The following SAMD5 variants were observed in gnomAD, a reference collection of about 807,000 sequenced individuals.
The protein encoded by SAMD5 is sterile alpha motif domain-containing protein 5.
In SAMD5, 13 loss-of-function variants were observed where a neutral mutation model predicts 11.3. The observed-to-expected ratio is 1.15, with a 90% CI of 0.75 to 1.83. The LOEUF (loss-of-function observed/expected upper bound fraction) is 1.83, where lower values mean the gene tolerates loss of function less well. Ranked by LOEUF, SAMD5 falls within the 40% of genes most tolerant of loss-of-function variation. The pLI is 0.00. For missense variants in SAMD5, 255 were observed against 239.1 expected (o/e 1.07, Z -0.44); for synonymous variants, 129 against 111.3 (o/e 1.16, Z -1.00).
the SAMD5 span, among the ~76,000 whole-genome samples, chr6:147,894,689 C>T: frequency 6.6e-6 from 1 of 152,178 alleles, no homozygotes; most frequent in African/African-American, 2.4e-5. Flanking sequence ...CATATGCACT[C>T]ATGAAGACAG....
chr6:147,950,978 C>T, the SAMD5 span, among the ~76,000 whole-genome samples: 17 of 150,958 alleles, frequency 1.1e-4, no homozygotes, highest in Non-Finnish European at 4.4e-5. Flanking sequence ...TCTACTCAGG[C>T]CATGTAATAA....
chr6:147,702,771 C>T lies in SAMD5; in HGVS notation c.163-34546C>T, dbSNP rs149845590. 4.4e-3 allele frequency among the ~76,000 whole-genome samples: 662 copies of T among 152,008 alleles called. 2 individuals are homozygous for T. The highest frequency in any genetic ancestry group is 7.5e-3 in the Non-Finnish European group (508 of 67,972). On this transcript the variant is annotated intron_variant, in intron 1 of 1. Coordinates refer to the SAMD5 transcript ENST00000566741. ...AATAATGGACCAGTGGAGCTGCTGG[C>T]CTCTGATATTTTAAGGATTAGAAAC...
chr6:147,804,018 A>G, the SAMD5 span, among the ~76,000 whole-genome samples: 5 of 150,786 alleles, frequency 3.3e-5, no homozygotes, highest in Admixed American at 1.3e-4. Context: ...CTTTTTTCAC[A>G]CTTCTCCAGG....
At chr6:147,779,286 T>C in the SAMD5 span, among the ~76,000 whole-genome samples, 2 of 152,160 alleles carry the variant, frequency 1.3e-5, no homozygotes, top group Admixed American at 6.5e-5. Context: ...AAGAATTTTG[T>C]CCTGAGTAAG....
downstream of SAMD5, among the ~76,000 whole-genome samples, chr6:147,739,457 G>A (rs1384141632): frequency 6.6e-6 from 1 of 152,104 alleles, no homozygotes; most frequent in Non-Finnish European, 1.5e-5. Flanking sequence ...AATTAGCCAG[G>A]CGTAGTGGCA....
In SAMD5 at chr6:147,555,510, T is replaced by A. The variant is rs556482944; in HGVS notation, c.460-8884T>A. Among the ~76,000 whole-genome samples the A allele has an allele frequency of 2.6e-5, 4 of 152,372 alleles. No individual in the cohort carries two copies. The South Asian group carries it at 8.3e-4, about 32-fold the overall frequency. On this transcript the variant is annotated intron_variant, in intron 1 of 1. Coordinates refer to ENST00000367474, the MANE Select transcript of SAMD5 (RefSeq NM_001030060.3). ...ACTTGCCCCAGTGAGTTTGATAGTT[T>A]CATACTGCCTAAATATTTTTTTTGA...
intron 1 of SAMD5, among the ~76,000 whole-genome samples, chr6:147,583,301 A>C (rs1789324876): frequency 6.6e-6 from 1 of 152,230 alleles, no homozygotes; most frequent in South Asian, 2.1e-4. Flanking sequence ...GCCTCAATGA[A>C]CTAAAATTTA....
chr6:147,790,928 T>C, the SAMD5 span, among the ~76,000 whole-genome samples: 1 of 151,950 alleles, frequency 6.6e-6, no homozygotes, highest in Admixed American at 6.6e-5. Flanking sequence ...AAGTGCATTA[T>C]CATGTTGACT....
chr6:147,625,138 A>T (rs1312099013), intron 1 of SAMD5, among the ~76,000 whole-genome samples: 1 of 152,154 alleles, frequency 6.6e-6, no homozygotes, highest in Non-Finnish European at 1.5e-5. Flanking sequence ...GAGGGTTTAC[A>T]TGAATCCTGG....
At chr6:147,716,635 C>T (rs895540700) in intron 1 of SAMD5, among the ~76,000 whole-genome samples, 5 of 152,338 alleles carry the variant, frequency 3.3e-5, no homozygotes, top group East Asian at 1.9e-4. Flanking sequence ...CGGCTCCTGT[C>T]GGCTCTGTGG....
intron 1 of SAMD5, among the ~76,000 whole-genome samples, chr6:147,580,879 T>C (rs1057232792): frequency 3.3e-5 from 5 of 152,170 alleles, no homozygotes; most frequent in Non-Finnish European, 7.3e-5. Flanking sequence ...TGTCACTCTT[T>C]GTCTACACCT....
Position 147,569,474 on chromosome 6 carries a change from T to C in SAMD5, c.*5018T>C, listed in dbSNP as rs1352056586. ...CAAAAGGAAATAAATCTACAATAAA[T>C]CTACTTTCTAAATATTATTTAAGAT... On this transcript the variant is annotated 3_prime_UTR_variant, in exon 2 of 2. Transcript: ENST00000367474. 1 of 910,222 alleles carries C rather than the reference T, an allele frequency of 1.1e-6. No homozygotes were observed. Among genetic ancestry groups the C allele is most frequent in the Non-Finnish European group, 1.3e-6 (1 of 761,502 alleles). 56.4% of individuals were successfully genotyped at this position (910,222 alleles called of 1,614,324 possible).
intron 1 of SAMD5, among the ~76,000 whole-genome samples, chr6:147,553,677 C>T (rs894187124): frequency 6.6e-6 from 1 of 152,140 alleles, no homozygotes; most frequent in Admixed American, 6.6e-5. Flanking sequence ...CAACTCAGTC[C>T]TATTTACGTG....
At chr6:147,671,889 A>ATTTT (rs56865442) in intron 1 of SAMD5, among the ~76,000 whole-genome samples, 45 of 98,044 alleles carry the variant, frequency 4.6e-4, no homozygotes, top group African/African-American at 9.3e-4. Context: ...CTTTTTCAGG[A>ATTTT]TTTTTTTTTT....
chr6:147,873,159 A>G, the SAMD5 span, among the ~76,000 whole-genome samples: 1 of 152,132 alleles, frequency 6.6e-6, no homozygotes, highest in East Asian at 1.9e-4. Context: ...TGGGTGGATC[A>G]TGAGGTCAAG....
At chr6:147,817,473 C>CT in the SAMD5 span, among the ~76,000 whole-genome samples, 1 of 152,248 alleles carries the variant, frequency 6.6e-6, no homozygotes, top group Non-Finnish European at 1.5e-5. Context: ...TCAGTAGCCT[C>CT]TGACATGCAT....
chr6:147,514,219 C>T (rs373129249), intron 1 of SAMD5, among the ~76,000 whole-genome samples: 6 of 151,926 alleles, frequency 3.9e-5, no homozygotes, highest in East Asian at 2.0e-4. Context: ...CTGCTTCTGG[C>T]GGGTGGGTAG....
chr6:147,940,791 G>A, the SAMD5 span, among the ~76,000 whole-genome samples: 14 of 152,120 alleles, frequency 9.2e-5, no homozygotes, highest in East Asian at 5.8e-4. Context: ...GTGAAACCCC[G>A]TCTCTACTAA....
the SAMD5 span, among the ~76,000 whole-genome samples, chr6:147,816,301 A>AAAAAAAAAAAAAAAATATATATAT: frequency 6.0e-5 from 4 of 66,354 alleles, no homozygotes; most frequent in African/African-American, 3.1e-4. Context: ...AAAAAAAAAA[A>AAAAAAAAAAAAAAAATATATATAT]ATATATATAT....
Sources: gnomAD v4.1 joint callset for allele counts (sites outside exome capture counted in the v4.1 genomes callset) on GRCh38, gnomAD v4.1.1 for gene constraint, MANE v1.5 for transcripts, NCBI Gene and HGNC (gene_info 2026-07-23, HGNC 2026-07-21) for gene names.